The following PSTPIP2 variants were observed in gnomAD, a reference collection of about 807,000 sequenced individuals.
PSTPIP2 encodes proline-serine-threonine phosphatase-interacting protein 2.
Under a neutral mutation model 63.3 loss-of-function variants are expected in PSTPIP2, and 33 were observed. The ratio of observed to expected loss-of-function variants is 0.52; its 90% CI spans 0.40 to 0.70. The LOEUF is 0.70. Among genes scored for constraint, PSTPIP2 ranks in the 30% least tolerant of loss-of-function variants. The pLI is 0.00. For synonymous variants in PSTPIP2, 125 were observed against 132.7 expected, an observed-to-expected ratio of 0.94 and a Z score of 0.40; for missense variants, 312 against 400.7, an observed-to-expected ratio of 0.78 and a Z score of 1.89.
At chr18:46,030,916 C>T (rs2144102555) in intron 2 of PSTPIP2, among the ~76,000 whole-genome samples, 1 of 152,294 alleles carries the variant, frequency 6.6e-6, no homozygotes, top group South Asian at 2.1e-4. Flanking sequence ...GTATAGACAA[C>T]TTGTTTTTTC....
At chr18:46,045,482 G>C (rs373325891) in intron 1 of PSTPIP2, among the ~76,000 whole-genome samples, 2 of 152,038 alleles carry the variant, frequency 1.3e-5, no homozygotes, top group Admixed American at 1.3e-4. Flanking sequence ...GGACACAGGA[G>C]GGGGAACATC....
intron 2 of PSTPIP2, chr18:46,028,753 T>A (rs1907683444): frequency 1.0e-6 from 1 of 1,003,742 alleles, no homozygotes; most frequent in Non-Finnish European, 1.6e-6. Context: ...GAAGCGACTT[T>A]AAGAAGAATT....
Position 45,997,701 on chromosome 18 carries a change from A to ACCCCAC in PSTPIP2, c.642+47_642+48insGTGGGG. 3 of 332,626 alleles carry ACCCCAC rather than the reference A, an allele frequency of 9.0e-6. 1 individual carries two copies. Among genetic ancestry groups the ACCCCAC allele is most frequent in the Non-Finnish European group, 5.7e-6 (1 of 173,996 alleles). The allele number at this position is 332,626 out of a possible 1,614,324, so 20.6% of individuals were successfully genotyped here. A position where few individuals can be genotyped will look rare whatever the true frequency, so the allele number is the denominator to read the frequency against. ...TCCTGAGCAGCTTCCTGTTACACACACCCCCACCCACCCACCCCAGTCCTG... is the reference window on the plus strand; with the variant it reads ...TCCTGAGCAGCTTCCTGTTACACACACCCCACCCCCCACCCACCCACCCCAGTCCTG... On this transcript the variant is annotated intron_variant, in intron 9 of 14. Coordinates refer to ENST00000409746, the MANE Select transcript of PSTPIP2 (RefSeq NM_024430.4).
chr18:45,995,818 C>T (rs1277073176), intron 9 of PSTPIP2, among the ~76,000 whole-genome samples: 3 of 151,994 alleles, frequency 2.0e-5, no homozygotes, highest in Non-Finnish European at 2.9e-5. Context: ...TTGTTTTTTG[C>T]TTTTTGGGTT....
chr18:45,997,123 G>C (rs2051604430), intron 9 of PSTPIP2, among the ~76,000 whole-genome samples: 1 of 152,180 alleles, frequency 6.6e-6, no homozygotes, highest in Non-Finnish European at 1.5e-5. Flanking sequence ...GGATGAGGCA[G>C]ACAAGGTTTG....
chr18:46,034,230 T>G (rs1342861331), intron 2 of PSTPIP2, among the ~76,000 whole-genome samples: 3 of 152,168 alleles, frequency 2.0e-5, no homozygotes, highest in Non-Finnish European at 4.4e-5. Context: ...TAGGTATAGC[T>G]GCTAATCTAC....
intron 1 of PSTPIP2, among the ~76,000 whole-genome samples, chr18:46,068,566 G>A (rs373402916): frequency 4.0e-5 from 6 of 151,812 alleles, no homozygotes; most frequent in African/African-American, 1.4e-4. Flanking sequence ...CCAAAGTGCT[G>A]GGATTACAGG....
chr18:46,066,226 G>C (rs552589852), intron 1 of PSTPIP2, among the ~76,000 whole-genome samples: 2 of 152,180 alleles, frequency 1.3e-5, no homozygotes, highest in South Asian at 4.2e-4. Flanking sequence ...TGCGGTTCCA[G>C]CTACTTGGGA....
chr18:46,011,824 A>G (rs939146246), intron 4 of PSTPIP2, among the ~76,000 whole-genome samples: 2 of 152,252 alleles, frequency 1.3e-5, no homozygotes, highest in Admixed American at 1.3e-4. Flanking sequence ...GAAAAGAATA[A>G]ATACTTGTTC....
chr18:46,061,287 G>A (rs1023122918), intron 1 of PSTPIP2, among the ~76,000 whole-genome samples: 1 of 150,116 alleles, frequency 6.7e-6, no homozygotes, highest in Non-Finnish European at 1.5e-5. Context: ...CTGGTCAACG[G>A]AGCGAGACTC....
At chr18:46,028,976 T>A in intron 2 of PSTPIP2, 10 of 985,172 alleles carry the variant, frequency 1.0e-5, no homozygotes, top group Non-Finnish European at 1.5e-5. Context: ...ATCTCATCTG[T>A]GCAGTTCCGT....
intron 1 of PSTPIP2, among the ~76,000 whole-genome samples, chr18:46,065,326 C>T (rs1170218910): frequency 8.6e-5 from 13 of 150,396 alleles, no homozygotes; most frequent in African/African-American, 2.4e-5. Context: ...TAGTCTGGCT[C>T]TGTCGCCCAG....
chr18:46,050,471 C>G (rs1398792445), intron 1 of PSTPIP2, among the ~76,000 whole-genome samples: 3 of 151,976 alleles, frequency 2.0e-5, no homozygotes, highest in African/African-American at 4.8e-5. Flanking sequence ...ACCTGGGATG[C>G]TAAGGTGAGA....
chr18:46,011,345 T>C, intron 4 of PSTPIP2, 58 bp from the exon 5 acceptor site: 4 of 1,312,930 alleles, frequency 3.0e-6, no homozygotes, highest in Non-Finnish European at 4.3e-6. Flanking sequence ...TTAAAATATA[T>C]AAAATCATAC....
chr18:46,039,883 G>A (rs1178137903), intron 2 of PSTPIP2, 64 bp downstream of exon 2: 7 of 1,372,234 alleles, frequency 5.1e-6, no homozygotes, highest in Non-Finnish European at 7.3e-6. Flanking sequence ...AAAGGAAATT[G>A]TTCCTTGTCT....
At chr18:46,001,669 C>T (rs80172414) in intron 6 of PSTPIP2, among the ~76,000 whole-genome samples, 2,521 of 152,248 alleles carry the variant, frequency 0.017, 72 homozygotes, top group African/African-American at 0.058. Flanking sequence ...TAAACAATAA[C>T]ATCTCAACTT....
intron 2 of PSTPIP2, among the ~76,000 whole-genome samples, chr18:46,032,754 CAAAAAAAAAAAAAA>C (rs762015034): frequency 4.0e-5 from 2 of 50,158 alleles, no homozygotes; most frequent in African/African-American, 1.2e-4. Context: ...AACTCTGTGT[CAAAAAAAAAAAAAA>C]AAAAAAAGGA....
chr18:46,040,101 C>T (rs1047558911), intron 1 of PSTPIP2, 54 bp from the exon 2 acceptor site: 6 of 1,399,766 alleles, frequency 4.3e-6, no homozygotes, highest in Admixed American at 2.1e-5. Flanking sequence ...GCCCCCAAGG[C>T]CGGAGAGAAG....
chr18:46,008,886 C>T (rs901318388), intron 5 of PSTPIP2, among the ~76,000 whole-genome samples: 14 of 152,146 alleles, frequency 9.2e-5, no homozygotes, highest in African/African-American at 3.4e-4. Context: ...TGCCAACCCC[C>T]TGGGGTGAGT....
Sources: gnomAD v4.1 joint callset for allele counts (sites outside exome capture counted in the v4.1 genomes callset) on GRCh38, gnomAD v4.1.1 for gene constraint, MANE v1.5 for transcripts, NCBI Gene and HGNC (gene_info 2026-07-23, HGNC 2026-07-21) for gene names.